Variants in PTK2 observed in about 807,000 individuals in gnomAD.
PTK2 encodes protein tyrosine kinase 2.
Under a neutral mutation model 150.1 loss-of-function variants are expected in PTK2, and 45 were observed. The observed-to-expected ratio is 0.30, with a 90% CI of 0.24 to 0.38. PTK2 has a LOEUF of 0.38. Ranked by LOEUF, PTK2 falls within the 10% of genes least tolerant of loss-of-function variation. The probability of loss-of-function intolerance (pLI) is 1.00; values close to 1 mark genes in which losing one functional copy is unlikely to be tolerated. For synonymous variants in PTK2, 432 were observed against 449.2 expected (o/e 0.96, Z 0.48); for missense variants, 919 against 1,307.3 (o/e 0.70, Z 4.58).
intron 1 of PTK2, among the ~76,000 whole-genome samples, chr8:140,935,702 C>CT (rs34554819): frequency 0.46 from 57,510 of 123,716 alleles, 15,370 homozygotes; most frequent in Middle Eastern, 0.6. Context: ...ATGTCCTCAT[C>CT]TTTTTTTTTT....
At chr8:140,680,695 AATT>A (rs1278708207) in intron 27 of PTK2, among the ~76,000 whole-genome samples, 1 of 152,180 alleles carries the variant, frequency 6.6e-6, no homozygotes, top group Non-Finnish European at 1.5e-5. Context: ...CCTTCTTAAC[AATT>A]TAGGACCAAC....
intron 5 of PTK2, among the ~76,000 whole-genome samples, chr8:140,849,738 T>C (rs2100127975): frequency 6.6e-6 from 1 of 152,248 alleles, no homozygotes; most frequent in South Asian, 2.1e-4. Context: ...CGTATATTTC[T>C]GATCTTTACA....
chr8:140,985,202 C>T (rs2100192866), intron 1 of PTK2, among the ~76,000 whole-genome samples: 1 of 152,114 alleles, frequency 6.6e-6, no homozygotes, highest in African/African-American at 2.4e-5. Flanking sequence ...TAACTCACTG[C>T]AGCCTCAACC....
chr8:140,693,358 A>G (rs1410870025), intron 26 of PTK2, among the ~76,000 whole-genome samples: 1 of 152,034 alleles, frequency 6.6e-6, no homozygotes. Flanking sequence ...GTTTGAGACC[A>G]GCATGGACAA....
chr8:140,662,741 TG>T, intron 31 of PTK2: 1 of 589,784 alleles, frequency 1.7e-6, no homozygotes, highest in South Asian at 2.0e-5. Context: ...CGTATGTCTC[TG>T]GGTATGATGC....
chr8:140,947,918 C>A (rs1277655429), intron 1 of PTK2, among the ~76,000 whole-genome samples: 1 of 152,084 alleles, frequency 6.6e-6, no homozygotes, highest in South Asian at 2.1e-4. Flanking sequence ...TCCCAAGGGG[C>A]TATTTCTCTA....
At chr8:140,697,852 GTTTTTTTTTTTTTTT>G (rs71308981) in intron 26 of PTK2, among the ~76,000 whole-genome samples, 17 of 48,026 alleles carry the variant, frequency 3.5e-4, no homozygotes, top group South Asian at 2.7e-3. Flanking sequence ...AGGGTTTACT[GTTTTTTTTTTTTTTT>G]TTTTTTTTTT....
At chr8:140,692,447 T>C (rs1341708071) in intron 26 of PTK2, among the ~76,000 whole-genome samples, 2 of 152,092 alleles carry the variant, frequency 1.3e-5, no homozygotes, top group Non-Finnish European at 2.9e-5. Flanking sequence ...TGAAACCCCA[T>C]CTCTACTAAA....
At chr8:140,877,967 T>C (rs1167734092) in intron 4 of PTK2, among the ~76,000 whole-genome samples, 2 of 152,078 alleles carry the variant, frequency 1.3e-5, no homozygotes, top group Non-Finnish European at 2.9e-5. Context: ...TAGACTTGTG[T>C]TAAATAAAAG....
intron 23 of PTK2, among the ~76,000 whole-genome samples, chr8:140,715,152 A>ACCG: frequency 8.0e-6 from 1 of 125,066 alleles, no homozygotes; most frequent in Non-Finnish European, 1.7e-5. Context: ...AGCCATTAAA[A>ACCG]CCGTTTTTTT....
chr8:140,686,723 A>C, intron 26 of PTK2, 29 bp from the exon 30 acceptor site: 1 of 1,584,528 alleles, frequency 6.3e-7, no homozygotes, highest in Non-Finnish European at 8.7e-7. Flanking sequence ...AATCAAAACA[A>C]TTTCATTTTT....
intron 27 of PTK2, among the ~76,000 whole-genome samples, chr8:140,677,832 C>G (rs987455370): frequency 6.6e-6 from 1 of 152,170 alleles, no homozygotes; most frequent in Non-Finnish European, 1.5e-5. Flanking sequence ...GTTCAATGAA[C>G]AGTTATTGAA....
intron 2 of PTK2, among the ~76,000 whole-genome samples, chr8:140,903,935 C>G (rs2100159806): frequency 6.6e-6 from 1 of 152,154 alleles, no homozygotes; most frequent in African/African-American, 2.4e-5. Flanking sequence ...ATCATGTCAT[C>G]CACAAACAGA....
At chr8:140,675,891 G>A in intron 27 of PTK2, 1 of 162,204 alleles carries the variant, frequency 6.2e-6, no homozygotes. Context: ...ATTCGATCCA[G>A]CAATCCCATG....
At position 140,930,182 on chromosome 8, in the gene PTK2, A is replaced by G. The variant is rs1381448407; in HGVS notation, c.-121-4433T>C. On this transcript the variant is annotated intron_variant, in intron 1 of 31. Transcript: ENST00000522684. ...AGCCTACATGTTTGATAGAAGGGGAATGAATAAATAAACCTCGGAACACCA... is the reference window on the plus strand; with the variant it reads ...AGCCTACATGTTTGATAGAAGGGGAGTGAATAAATAAACCTCGGAACACCA... 2.0e-5 allele frequency among the ~76,000 whole-genome samples: 3 copies of G among 152,340 alleles called. No homozygotes were observed. The East Asian group carries it at 5.8e-4, about 29-fold the overall frequency.
At chr8:140,784,328 C>T (rs1405855917) in intron 14 of PTK2, among the ~76,000 whole-genome samples, 1 of 152,072 alleles carries the variant, frequency 6.6e-6, no homozygotes, top group Non-Finnish European at 1.5e-5. Context: ...GTAACAAGAG[C>T]CATGTGCATA....
In PTK2 at chr8:140,775,483, T is replaced by C. The variant is rs562885529; in HGVS notation, c.1178-11193A>G. Among the ~76,000 whole-genome samples, 4 of 152,042 alleles carry C rather than the reference T, an allele frequency of 2.6e-5. No homozygotes were observed. The East Asian group carries it at 7.7e-4, about 29-fold the overall frequency. On this transcript the variant is annotated intron_variant, in intron 14 of 31. Coordinates refer to ENST00000522684, the Ensembl canonical transcript of PTK2. ...CTGGACAACGGAGTGAGACCCTGCC[T>C]TAAAAAAAAACAAAAACAAAAAGTG...
intron 17 of PTK2, among the ~76,000 whole-genome samples, chr8:140,747,797 G>A (rs1400544137): frequency 1.3e-5 from 2 of 150,870 alleles, no homozygotes; most frequent in Non-Finnish European, 3.0e-5. Flanking sequence ...GAGGAAGGGA[G>A]GAGGAGGAAG....
At chr8:140,713,910 A>C (rs2100038104) in intron 23 of PTK2, among the ~76,000 whole-genome samples, 1 of 152,134 alleles carries the variant, frequency 6.6e-6, no homozygotes, top group Admixed American at 6.5e-5. Context: ...TTTTTGAGAC[A>C]AGGCCTTGTT....
Sources: allele counts gnomAD v4.1 joint callset (sites outside exome capture counted in the v4.1 genomes callset), GRCh38; gene constraint gnomAD v4.1.1; transcripts MANE v1.5; gene names NCBI Gene and HGNC (gene_info 2026-07-23, HGNC 2026-07-21).